Variants in MAP2K5 observed in about 807,000 individuals in gnomAD.
The protein encoded by MAP2K5 is mitogen-activated protein kinase kinase 5.
MAP2K5 carries 49 observed loss-of-function variants against 83.1 expected under a neutral mutation model. That is an observed-to-expected ratio of 0.59 (90% CI 0.47 to 0.75). The LOEUF (loss-of-function observed/expected upper bound fraction) is 0.75, where lower values mean the gene tolerates loss of function less well. MAP2K5 is among the 30% of genes least tolerant of loss of function. The probability of loss-of-function intolerance (pLI) is 0.00; values close to 1 mark genes in which losing one functional copy is unlikely to be tolerated. For missense variants in MAP2K5, 457 were observed against 557.5 expected (o/e 0.82, Z 1.82); for synonymous variants, 202 against 191.8 (o/e 1.05, Z -0.44).
chr15:67,614,916 A>G (rs2086020543), intron 8 of MAP2K5, among the ~76,000 whole-genome samples: 1 of 152,182 alleles, frequency 6.6e-6, no homozygotes, highest in South Asian at 2.1e-4. Flanking sequence ...CCTATGTACA[A>G]TCAGTTATCT....
rs1281067831 is a variant in MAP2K5, at chr15:67,562,738, A to G, written c.185-545A>G. Reference sequence around the variant, plus strand: ...CTAGGTTCTCCTGTGGAAAGAGAATAATAATAATGATGTTCATGTCGCAGG... The same window carrying G: ...CTAGGTTCTCCTGTGGAAAGAGAATGATAATAATGATGTTCATGTCGCAGG... On this transcript the variant is annotated intron_variant, in intron 2 of 21. Coordinates refer to ENST00000178640, the MANE Select transcript of MAP2K5 (RefSeq NM_145160.3). The surrounding 1 kb of genome is among the most constrained non-coding windows in gnomAD (Gnocchi z 4.1). 1.3e-5 allele frequency among the ~76,000 whole-genome samples: 2 copies of G among 152,198 alleles called. No individual in the cohort carries two copies. The highest frequency in any genetic ancestry group is 2.9e-5 in the Non-Finnish European group (2 of 68,028).
At chr15:67,695,470 A>G (rs1180084592) in intron 15 of MAP2K5, among the ~76,000 whole-genome samples, 2 of 152,188 alleles carry the variant, frequency 1.3e-5, no homozygotes, top group African/African-American at 4.8e-5. Flanking sequence ...TGAAGTCTTC[A>G]TATCTGTTTT....
rs2089618845 is a variant in MAP2K5, at chr15:67,747,010, C to T, written c.1075-1221C>T. On this transcript the variant is annotated intron_variant, in intron 17 of 21. Coordinates refer to ENST00000178640, the MANE Select transcript of MAP2K5 (RefSeq NM_145160.3). This position sits in a 1 kb window ranked among gnomAD's most constrained non-coding sequence, Gnocchi z 4.1. ...TACCAAGTATAAATGTATACAAATA[C>T]AGTTGTTTTCAAATAACTCTATGAT... Among the ~76,000 whole-genome samples the T allele has an allele frequency of 6.6e-6, 1 of 152,138 alleles. No individual in the cohort carries two copies. Among genetic ancestry groups the T allele is most frequent in the Non-Finnish European group, 1.5e-5 (1 of 68,012 alleles).
At chr15:67,687,962 G>A (rs939882450) in intron 13 of MAP2K5, among the ~76,000 whole-genome samples, 3 of 152,140 alleles carry the variant, frequency 2.0e-5, no homozygotes, top group Admixed American at 2.0e-4. Context: ...CACTGAAGCA[G>A]AAGAAAAGGG....
At chr15:67,730,299 A>C (rs2089192241) in intron 17 of MAP2K5, among the ~76,000 whole-genome samples, 1 of 152,186 alleles carries the variant, frequency 6.6e-6, no homozygotes, top group African/African-American at 2.4e-5. Flanking sequence ...ATGGAATAAC[A>C]CCTTCTCTTT....
intron 16 of MAP2K5, among the ~76,000 whole-genome samples, chr15:67,723,150 C>G (rs2089005966): frequency 6.6e-6 from 1 of 152,050 alleles, no homozygotes. Context: ...GATTCTATGA[C>G]AATAATTATT....
chr15:67,726,136 A>T (rs78904626), intron 16 of MAP2K5, among the ~76,000 whole-genome samples: 2,650 of 152,306 alleles, frequency 0.017, 89 homozygotes, highest in African/African-American at 0.061. Flanking sequence ...ATATCAGTGT[A>T]TATTTTGTGT....
intron 15 of MAP2K5, 71 bp from the exon 16 acceptor site, chr15:67,703,266 G>A: frequency 8.8e-7 from 1 of 1,142,258 alleles, no homozygotes; most frequent in African/African-American, 1.5e-5. Context: ...CCTTAGCTGA[G>A]CTTATTTTGG....
intron 7 of MAP2K5, among the ~76,000 whole-genome samples, chr15:67,599,877 A>G (rs796854573): frequency 7.2e-5 from 11 of 152,328 alleles, no homozygotes; most frequent in African/African-American, 2.6e-4. Flanking sequence ...AAATAATTGT[A>G]TAGGGAGCTC....
At chr15:67,624,211 T>C (rs1229339992) in intron 8 of MAP2K5, among the ~76,000 whole-genome samples, 13 of 151,500 alleles carry the variant, frequency 8.6e-5, no homozygotes, top group East Asian at 5.9e-4. Context: ...TGCTGGCGGG[T>C]ACCTGTAGTC....
At position 67,640,262 on chromosome 15, in the gene MAP2K5, C is replaced by G. The variant is rs2086685023; in HGVS notation, c.586-5969C>G. ...TCTTCTGTTTGTTCTTTAGTTCATTCATCTTTTAAAGTAACATCTTGAAAG... is the reference window on the plus strand; with the variant it reads ...TCTTCTGTTTGTTCTTTAGTTCATTGATCTTTTAAAGTAACATCTTGAAAG... On this transcript the variant is annotated intron_variant, in intron 9 of 21. Transcript: ENST00000178640. The surrounding 1 kb of genome is among the most constrained non-coding windows in gnomAD (Gnocchi z 4.6). Among the ~76,000 whole-genome samples, 1 of 152,162 alleles carries G rather than the reference C, an allele frequency of 6.6e-6. No individual in the cohort carries two copies. Among genetic ancestry groups the G allele is most frequent in the Non-Finnish European group, 1.5e-5 (1 of 68,022 alleles).
Position 67,748,212 on chromosome 15 carries a change from A to T in MAP2K5, c.1075-19A>T. The T allele has an allele frequency of 1.9e-6, 3 of 1,587,278 alleles. No homozygotes were observed. The highest frequency in any genetic ancestry group is 2.6e-6 in the Non-Finnish European group (3 of 1,156,458). On this transcript the variant is annotated intron_variant, in intron 17 of 21. Coordinates refer to ENST00000178640, the MANE Select transcript of MAP2K5 (RefSeq NM_145160.3). This position sits in a 1 kb window ranked among gnomAD's most constrained non-coding sequence, Gnocchi z 4.0. ...TCATTTTGATTATGACATGCTAATTACATATTGCCTTTTTTCAGATTCAGA... is the reference window on the plus strand; with the variant it reads ...TCATTTTGATTATGACATGCTAATTTCATATTGCCTTTTTTCAGATTCAGA...
In MAP2K5 at chr15:67,722,785, C is replaced by T. The variant is rs764861286; in HGVS notation, c.1045-5131C>T. On this transcript the variant is annotated intron_variant, in intron 16 of 21. Coordinates refer to ENST00000178640, the MANE Select transcript of MAP2K5 (RefSeq NM_145160.3). This position sits in a 1 kb window ranked among gnomAD's most constrained non-coding sequence, Gnocchi z 4.2. Reference sequence around the variant, plus strand: ...TTTCTATAAAATGAAGATTTAACTGCAGCGCACAATCTAAATGCAAAATCC... The same window carrying T: ...TTTCTATAAAATGAAGATTTAACTGTAGCGCACAATCTAAATGCAAAATCC... 2.6e-5 allele frequency among the ~76,000 whole-genome samples: 4 copies of T among 152,102 alleles called. No homozygotes were observed. The highest frequency in any genetic ancestry group is 5.9e-5 in the Non-Finnish European group (4 of 68,008).
chr15:67,681,287 C>CAGGAT (rs2141184482), intron 13 of MAP2K5, among the ~76,000 whole-genome samples: 1 of 152,326 alleles, frequency 6.6e-6, no homozygotes. Flanking sequence ...AGTGAGAATT[C>CAGGAT]AGGATTGTTA....
chr15:67,766,495 T>C (rs2090044034), intron 19 of MAP2K5, among the ~76,000 whole-genome samples: 1 of 152,242 alleles, frequency 6.6e-6, no homozygotes, highest in Non-Finnish European at 1.5e-5. Flanking sequence ...CCATATTTCA[T>C]AGAGGGCATT....
chr15:67,767,442 C>T (rs1431226500), intron 19 of MAP2K5, among the ~76,000 whole-genome samples: 1 of 152,178 alleles, frequency 6.6e-6, no homozygotes, highest in South Asian at 2.1e-4. Flanking sequence ...ACAGCAACTA[C>T]TACTCAGATA....
Position 67,783,229 on chromosome 15 carries a change from G to A in MAP2K5, c.1242+10477G>A, listed in dbSNP as rs1362387766. Among the ~76,000 whole-genome samples the A allele has an allele frequency of 3.3e-5, 5 of 152,182 alleles. No homozygotes were observed. Among genetic ancestry groups the A allele is most frequent in the African/African-American group, 1.2e-4 (5 of 41,430 alleles). On this transcript the variant is annotated intron_variant, in intron 21 of 21. Transcript: ENST00000178640. This position sits in a 1 kb window ranked among gnomAD's most constrained non-coding sequence, Gnocchi z 5.1. ...GTCCTGACCCCCCAGCCAGCTCACAGTCCAGTGAGGAAGGTGAGGGTAGAC... is the reference window on the plus strand; with the variant it reads ...GTCCTGACCCCCCAGCCAGCTCACAATCCAGTGAGGAAGGTGAGGGTAGAC...
chr15:67,656,528 C>T (rs529084854), intron 11 of MAP2K5, among the ~76,000 whole-genome samples: 65 of 152,032 alleles, frequency 4.3e-4, no homozygotes, highest in African/African-American at 1.5e-3. Flanking sequence ...GGGGTTTTGC[C>T]GTGTCTCCTA....
At chr15:67,594,059 A>G (rs2085472609) in intron 7 of MAP2K5, among the ~76,000 whole-genome samples, 1 of 152,206 alleles carries the variant, frequency 6.6e-6, no homozygotes, top group Non-Finnish European at 1.5e-5. Context: ...CCTTGAATAC[A>G]GTTAGAAGAA....
Sources: gnomAD v4.1 joint callset for allele counts (sites outside exome capture counted in the v4.1 genomes callset) on GRCh38, gnomAD v4.1.1 for gene constraint, Gnocchi (gnomAD v3.1) non-coding constraint, MANE v1.5 for transcripts, NCBI Gene and HGNC (gene_info 2026-07-23, HGNC 2026-07-21) for gene names.